Variants in CDH12 observed in about 807,000 individuals in gnomAD.
CDH12 encodes the protein cadherin-12.
A neutral mutation model predicts 74.1 loss-of-function variants in CDH12; 41 were observed. The ratio of observed to expected loss-of-function variants is 0.55; its 90% CI spans 0.43 to 0.72. The LOEUF (loss-of-function observed/expected upper bound fraction) is 0.72. Ranked by LOEUF, CDH12 falls within the 30% of genes least tolerant of loss-of-function variation. CDH12 has a pLI of 0.00. For missense variants in CDH12, 945 were observed against 977.2 expected, an observed-to-expected ratio of 0.97 and a Z score of 0.44; for synonymous variants, 399 against 355.0, an observed-to-expected ratio of 1.12 and a Z score of -1.39.
At chr5:21,884,118 T>G (rs2150036397) in intron 6 of CDH12, 2 of 1,487,260 alleles carry the variant, frequency 1.3e-6, no homozygotes, top group South Asian at 1.1e-5. Context: ...GGTTGGAGAT[T>G]TTATGAATAT....
chr5:21,802,587 T>C (rs926544830), intron 9 of CDH12, among the ~76,000 whole-genome samples, 167 bp from the exon 10 acceptor site: 1 of 99,750 alleles, frequency 1.0e-5, no homozygotes, highest in Non-Finnish European at 2.3e-5. Context: ...CAAACCATTT[T>C]TTTTTCTTTT....
At chr5:22,133,916 T>A (rs1176802243) in intron 4 of CDH12, among the ~76,000 whole-genome samples, 1 of 152,086 alleles carries the variant, frequency 6.6e-6, no homozygotes, top group Admixed American at 6.6e-5. Context: ...GTAAGGCTTT[T>A]AGATAGATTT....
At chr5:21,780,794 T>C (rs1033331394) in intron 11 of CDH12, among the ~76,000 whole-genome samples, 17 of 152,186 alleles carry the variant, frequency 1.1e-4, no homozygotes, top group Admixed American at 9.8e-4. Context: ...AAAGATCTTA[T>C]AAAACGAAAG....
chr5:22,685,469 C>T (rs1400859889), intron 1 of CDH12, among the ~76,000 whole-genome samples: 1 of 152,188 alleles, frequency 6.6e-6, no homozygotes, highest in Non-Finnish European at 1.5e-5. Context: ...ATCTCCTGAC[C>T]TCGTGATCCA....
chr5:22,398,071 T>G (rs191997512), intron 3 of CDH12, among the ~76,000 whole-genome samples: 2 of 152,108 alleles, frequency 1.3e-5, no homozygotes, highest in African/African-American at 2.4e-5. Flanking sequence ...TAACTTAACT[T>G]GTAGATAACC....
At chr5:21,840,536 C>T (rs1238214640) in intron 8 of CDH12, among the ~76,000 whole-genome samples, 1 of 151,896 alleles carries the variant, frequency 6.6e-6, no homozygotes, top group Non-Finnish European at 1.5e-5. Context: ...AAAAAAGAGC[C>T]CGCATCGCCA....
intron 2 of CDH12, among the ~76,000 whole-genome samples, chr5:22,476,518 C>T (rs962732008): frequency 6.6e-6 from 1 of 151,992 alleles, no homozygotes. Context: ...TCAGGAACAC[C>T]ATTAATGAAA....
chr5:22,572,430 T>C (rs769122860), intron 1 of CDH12, among the ~76,000 whole-genome samples: 4 of 152,172 alleles, frequency 2.6e-5, no homozygotes, highest in Non-Finnish European at 4.4e-5. Context: ...AAATTACTTA[T>C]TTTATTTCTT....
chr5:22,134,529 C>A (rs1746351832), intron 4 of CDH12, among the ~76,000 whole-genome samples: 1 of 149,740 alleles, frequency 6.7e-6, no homozygotes, highest in South Asian at 2.1e-4. Flanking sequence ...CTCAGGGAGA[C>A]AAGTTAGCAT....
chr5:22,151,519 A>G (rs7719400), intron 4 of CDH12, among the ~76,000 whole-genome samples: 93,692 of 151,966 alleles, frequency 0.62, 29,091 homozygotes, highest in East Asian at 0.73. Context: ...AATCACCAAA[A>G]GGGTTAACTC....
chr5:21,996,122 TTTTTTTTTTTC>T (rs1736282784), intron 5 of CDH12, among the ~76,000 whole-genome samples: 1 of 146,344 alleles, frequency 6.8e-6, no homozygotes, highest in African/African-American at 2.6e-5. Context: ...TTTTTTTTTT[TTTTTTTTTTTC>T]CAATGCCTGC....
intron 1 of CDH12, among the ~76,000 whole-genome samples, chr5:22,813,746 C>T (rs1263092926): frequency 6.6e-6 from 1 of 152,012 alleles, no homozygotes; most frequent in Non-Finnish European, 1.5e-5. Context: ...AAAACTAAGG[C>T]CCTAAACCAA....
intron 3 of CDH12, among the ~76,000 whole-genome samples, chr5:22,316,797 T>C (rs1437662061): frequency 2.6e-5 from 4 of 152,128 alleles, no homozygotes; most frequent in African/African-American, 9.7e-5. Context: ...ACTATAATGA[T>C]ATATATTTAT....
chr5:22,398,213 C>T (rs527694398), intron 3 of CDH12, among the ~76,000 whole-genome samples: 46 of 152,202 alleles, frequency 3.0e-4, no homozygotes, highest in Admixed American at 6.6e-4. Flanking sequence ...CCAACCACTG[C>T]TATACCTCAC....
intron 3 of CDH12, among the ~76,000 whole-genome samples, chr5:22,390,147 A>G (rs570589866): frequency 5.9e-5 from 9 of 152,222 alleles, no homozygotes; most frequent in African/African-American, 1.4e-4. Context: ...CTGGCCTAGA[A>G]GCCACTGAAA....
At chr5:22,002,933 G>A (rs1580095886) in intron 5 of CDH12, among the ~76,000 whole-genome samples, 1 of 151,996 alleles carries the variant, frequency 6.6e-6, no homozygotes, top group East Asian at 1.9e-4. Context: ...GAGAAAGTTT[G>A]GAACACATTC....
intron 6 of CDH12, among the ~76,000 whole-genome samples, chr5:21,920,700 C>T (rs1169543029): frequency 2.0e-5 from 1 of 50,498 alleles, no homozygotes; most frequent in Non-Finnish European, 6.5e-5. Context: ...TCTTCAAAGC[C>T]AATATAGCCA....
At chr5:21,792,712 A>G (rs1746569942) in intron 10 of CDH12, among the ~76,000 whole-genome samples, 1 of 145,028 alleles carries the variant, frequency 6.9e-6, no homozygotes, top group Admixed American at 7.3e-5. Context: ...TGACCACTGT[A>G]TTTTGTCTTT....
intron 3 of CDH12, among the ~76,000 whole-genome samples, chr5:22,232,863 T>C (rs995485454): frequency 6.8e-6 from 1 of 147,174 alleles, no homozygotes; most frequent in Admixed American, 6.8e-5. Context: ...ATATATATAT[T>C]TATATATATA....
Sources: gnomAD v4.1 joint callset for allele counts (sites outside exome capture counted in the v4.1 genomes callset) on GRCh38, gnomAD v4.1.1 for gene constraint, MANE v1.5 for transcripts, NCBI Gene and HGNC (gene_info 2026-07-23, HGNC 2026-07-21) for gene names.